XKR9: variants seen among roughly 807,000 people sequenced by gnomAD.
XKR9 encodes XK related 9.
In XKR9, 32 loss-of-function variants were observed where a neutral mutation model predicts 32.0. The ratio of observed to expected loss-of-function variants is 1.00; its 90% CI spans 0.76 to 1.34. The LOEUF is 1.34. XKR9 is among the 40% of genes most tolerant of loss of function. The pLI is 0.00. For synonymous variants in XKR9, 168 were observed against 143.4 expected (o/e 1.17, Z -1.22); for missense variants, 546 against 429.7 (o/e 1.27, Z -2.39).
chr8:70,691,749 A>T (rs7814648), intron 3 of XKR9, among the ~76,000 whole-genome samples: 1 of 151,766 alleles, frequency 6.6e-6, no homozygotes, highest in Admixed American at 6.6e-5. Context: ...TTTTGGGCTC[A>T]TTATTCTGTT....
At chr8:70,942,715 G>T in the XKR9 span, among the ~76,000 whole-genome samples, 1 of 152,048 alleles carries the variant, frequency 6.6e-6, no homozygotes, top group African/African-American at 2.4e-5. Context: ...TGCGGTTGGG[G>T]CTAAAAGTAT....
the XKR9 span, among the ~76,000 whole-genome samples, chr8:70,998,279 G>C: frequency 6.6e-6 from 1 of 152,114 alleles, no homozygotes; most frequent in Non-Finnish European, 1.5e-5. Context: ...ATTACTTCAT[G>C]AAGCATGTCT....
intron 4 of XKR9, among the ~76,000 whole-genome samples, chr8:70,714,733 C>T (rs1344593900): frequency 6.6e-6 from 1 of 152,002 alleles, no homozygotes; most frequent in African/African-American, 2.4e-5. Flanking sequence ...GAATTGACAT[C>T]TCTAGTTTAT....
At chr8:70,753,080 GAC>G in intron 2 of XKR9, among the ~76,000 whole-genome samples, 1 of 152,238 alleles carries the variant, frequency 6.6e-6, no homozygotes, top group South Asian at 2.1e-4. Flanking sequence ...TGATAAAGGG[GAC>G]ATCACCACCG....
chr8:70,699,085 C>T (rs551901461), intron 3 of XKR9, among the ~76,000 whole-genome samples: 114 of 152,210 alleles, frequency 7.5e-4, no homozygotes, highest in African/African-American at 2.5e-3. Context: ...TGTCTCTGCA[C>T]GTGAGATGGG....
At chr8:70,976,497 C>T in the XKR9 span, among the ~76,000 whole-genome samples, 2 of 152,152 alleles carry the variant, frequency 1.3e-5, no homozygotes, top group African/African-American at 4.8e-5. Flanking sequence ...GTCTTTGGTT[C>T]TGTTCATGTG....
the XKR9 span, among the ~76,000 whole-genome samples, chr8:70,852,484 G>A: frequency 3.3e-5 from 5 of 151,780 alleles, no homozygotes; most frequent in Admixed American, 2.0e-4. Flanking sequence ...CTATATAAAG[G>A]ATTATAAAGA....
At chr8:70,923,759 G>C in the XKR9 span, among the ~76,000 whole-genome samples, 14 of 152,210 alleles carry the variant, frequency 9.2e-5, no homozygotes, top group African/African-American at 3.4e-4. Flanking sequence ...TTTAGTTTGG[G>C]TTTTGTGGGA....
chr8:70,699,054 CT>C (rs1344845843), intron 3 of XKR9, among the ~76,000 whole-genome samples: 2 of 152,110 alleles, frequency 1.3e-5, no homozygotes, highest in African/African-American at 4.8e-5. Context: ...TTCCTCCATC[CT>C]TTTATTTTGA....
chr8:70,953,624 T>A, the XKR9 span, among the ~76,000 whole-genome samples: 1 of 152,162 alleles, frequency 6.6e-6, no homozygotes, highest in South Asian at 2.1e-4. Context: ...GTTATTCCAT[T>A]ATTATTTCCA....
the XKR9 span, among the ~76,000 whole-genome samples, chr8:70,949,953 T>A: frequency 6.6e-6 from 1 of 152,200 alleles, no homozygotes; most frequent in Non-Finnish European, 1.5e-5. Context: ...ACATAGCTAG[T>A]AAGTAGCAGT....
the XKR9 span, among the ~76,000 whole-genome samples, chr8:70,894,821 T>C: frequency 1.3e-5 from 2 of 152,134 alleles, no homozygotes; most frequent in East Asian, 3.9e-4. Context: ...GAGGAAGCTG[T>C]AATAGCTGTT....
At chr8:70,803,031 A>G in the XKR9 span, among the ~76,000 whole-genome samples, 1 of 152,184 alleles carries the variant, frequency 6.6e-6, no homozygotes, top group East Asian at 1.9e-4. Context: ...CATCAATGAT[A>G]TCCTCAAATA....
the XKR9 span, among the ~76,000 whole-genome samples, chr8:70,821,073 A>C: frequency 6.6e-6 from 1 of 152,224 alleles, no homozygotes; most frequent in Non-Finnish European, 1.5e-5. Flanking sequence ...TGAGCCTGTA[A>C]AATCAAAAGC....
At chr8:70,897,581 T>G in the XKR9 span, among the ~76,000 whole-genome samples, 13 of 152,286 alleles carry the variant, frequency 8.5e-5, 1 homozygote, top group African/African-American at 2.9e-4. Flanking sequence ...CCATTTTAAC[T>G]GGGATGAGAT....
intron 4 of XKR9, among the ~76,000 whole-genome samples, chr8:70,730,607 C>T (rs1336943296): frequency 6.6e-6 from 1 of 151,798 alleles, no homozygotes; most frequent in Non-Finnish European, 1.5e-5. Context: ...TTATAATCTC[C>T]CCAAGGGTAG....
chr8:70,893,861 G>C, the XKR9 span, among the ~76,000 whole-genome samples: 1 of 152,028 alleles, frequency 6.6e-6, no homozygotes, highest in Non-Finnish European at 1.5e-5. Context: ...ACAGGGACAG[G>C]GTCCTAGGCT....
chr8:70,805,433 G>C, the XKR9 span, among the ~76,000 whole-genome samples: 1 of 152,218 alleles, frequency 6.6e-6, no homozygotes, highest in East Asian at 1.9e-4. Flanking sequence ...GCTGCCTGCT[G>C]TCTAAGCCAT....
chr8:70,743,209 CT>C (rs1807013086), intron 2 of XKR9, among the ~76,000 whole-genome samples: 1 of 152,010 alleles, frequency 6.6e-6, no homozygotes, highest in African/African-American at 2.4e-5. Context: ...TTTTCAGATA[CT>C]GCATTTTTAT....
Sources: gnomAD v4.1 joint callset for allele counts (sites outside exome capture counted in the v4.1 genomes callset) on GRCh38, gnomAD v4.1.1 for gene constraint, MANE v1.5 for transcripts, NCBI Gene and HGNC (gene_info 2026-07-23, HGNC 2026-07-21) for gene names.